The following IFT70A variants were observed in gnomAD, a reference collection of about 807,000 sequenced individuals.
IFT70A encodes the protein intraflagellar transport protein 70A.
the IFT70A span, chr2:177,618,357 G>A: frequency 2.5e-6 from 4 of 1,613,654 alleles, no homozygotes; most frequent in South Asian, 3.3e-5. Context: ...GCAGGCGGAG[G>A]ACCCGGCTGT....
At chr2:177,618,253 C>T in the IFT70A span, 2 of 1,614,250 alleles carry the variant, frequency 1.2e-6, no homozygotes, top group East Asian at 2.2e-5. Context: ...CTCATTGTCG[C>T]CTCCACTTTC....
At chr2:177,618,170 A>C in the IFT70A span, 2 of 1,614,140 alleles carry the variant, frequency 1.2e-6, no homozygotes, top group African/African-American at 2.7e-5. Flanking sequence ...AGTGTGGCAG[A>C]AAACTTGGAG....
chr2:177,618,057 A>T, the IFT70A span: 1 of 1,614,242 alleles, frequency 6.2e-7, no homozygotes, highest in South Asian at 1.1e-5. Flanking sequence ...TGCCACGCTC[A>T]ATAATCTCAG....
At chr2:177,613,774 G>A in the IFT70A span, 2 of 152,180 alleles carry the variant, frequency 1.3e-5, no homozygotes, top group Admixed American at 1.3e-4. Context: ...TGCTTGCATA[G>A]TATAATTTTA....
chr2:177,617,480 C>T, the IFT70A span: 2 of 1,614,064 alleles, frequency 1.2e-6, no homozygotes, highest in East Asian at 2.2e-5. Flanking sequence ...TTTTTGATAG[C>T]TTCATCATCT....
the IFT70A span, chr2:177,618,226 T>G: frequency 1.9e-6 from 3 of 1,614,240 alleles, no homozygotes; most frequent in Middle Eastern, 1.6e-4. Context: ...ACAACCCAGG[T>G]TGACCTGGCC....
At chr2:177,618,536 A>T in the IFT70A span, 1 of 1,592,482 alleles carries the variant, frequency 6.3e-7, no homozygotes, top group Admixed American at 1.8e-5. Context: ...TGCAGGCGGT[A>T]GTAGCAGTAG....
the IFT70A span, chr2:177,615,252 A>T: frequency 6.6e-6 from 1 of 152,204 alleles, no homozygotes; most frequent in African/African-American, 2.4e-5. Context: ...TTCAAGAATA[A>T]TTGAGGAAAA....
the IFT70A span, chr2:177,614,732 T>TA: frequency 6.6e-6 from 1 of 150,530 alleles, no homozygotes; most frequent in South Asian, 2.1e-4. Flanking sequence ...AGGGAAAAGA[T>TA]AAAAAAGGGA....
the IFT70A span, chr2:177,615,319 T>C: frequency 6.6e-6 from 1 of 152,226 alleles, no homozygotes; most frequent in African/African-American, 2.4e-5. Flanking sequence ...TCATCATTTT[T>C]TGGAAGGATT....
chr2:177,618,266 C>T, the IFT70A span: 1 of 1,614,256 alleles, frequency 6.2e-7, no homozygotes, highest in Non-Finnish European at 8.5e-7. Context: ...CCACTTTCTT[C>T]TCCCCCTTCC....
At chr2:177,618,169 G>C in the IFT70A span, 1 of 1,614,106 alleles carries the variant, frequency 6.2e-7, no homozygotes, top group Admixed American at 1.7e-5. Flanking sequence ...CAGTGTGGCA[G>C]AAAACTTGGA....
At chr2:177,615,625 T>C in the IFT70A span, 1 of 152,120 alleles carries the variant, frequency 6.6e-6, no homozygotes, top group East Asian at 1.9e-4. Flanking sequence ...AAAACATTAA[T>C]ATAAAATACA....
the IFT70A span, chr2:177,616,422 G>A: frequency 1.2e-5 from 3 of 255,530 alleles, no homozygotes; most frequent in East Asian, 2.3e-4. Flanking sequence ...AACTCTATCT[G>A]GGGTTACTTG....
chr2:177,616,498 G>C, the IFT70A span: 1 of 404,664 alleles, frequency 2.5e-6, no homozygotes, highest in Non-Finnish European at 4.3e-6. Flanking sequence ...GTCACTAGTA[G>C]GAAGAAAGCA....
chr2:177,617,002 A>C, the IFT70A span: 1 of 1,613,426 alleles, frequency 6.2e-7, no homozygotes, highest in South Asian at 1.1e-5. Context: ...GCTTTTGATA[A>C]CTCGAGAAAT....
the IFT70A span, chr2:177,617,704 T>C: frequency 5.0e-6 from 8 of 1,614,186 alleles, no homozygotes; most frequent in South Asian, 8.8e-5. Flanking sequence ...AAAATACTCA[T>C]ATTTACAGTA....
chr2:177,613,213 G>A, the IFT70A span: 2 of 152,238 alleles, frequency 1.3e-5, no homozygotes, highest in South Asian at 4.1e-4. Flanking sequence ...AAGAACAAAA[G>A]TTCTAGAAAC....
chr2:177,616,388 T>C, the IFT70A span: 1 of 205,202 alleles, frequency 4.9e-6, no homozygotes, highest in Non-Finnish European at 9.6e-6. Context: ...ACATACCCTT[T>C]TGACAGCCCA....
Sources: gnomAD v4.1 joint callset for allele counts on GRCh38, gnomAD v4.1.1 for gene constraint, MANE v1.5 for transcripts, NCBI Gene and HGNC (gene_info 2026-07-23, HGNC 2026-07-21) for gene names.